Variants in TSPAN5 observed in about 807,000 individuals in gnomAD.
TSPAN5 encodes the protein tetraspanin 5.
TSPAN5 carries 10 observed loss-of-function variants against 37.1 expected under a neutral mutation model. That is an observed-to-expected ratio of 0.27 (90% CI 0.17 to 0.46). The LOEUF (loss-of-function observed/expected upper bound fraction) is 0.46, where lower values mean the gene tolerates loss of function less well. Ranked by LOEUF, TSPAN5 falls within the 20% of genes least tolerant of loss-of-function variation. TSPAN5 has a pLI of 1.00. For synonymous variants in TSPAN5, 110 were observed against 118.9 expected (o/e 0.93, Z 0.48); for missense variants, 195 against 326.6 (o/e 0.60, Z 3.11).
intron 3 of TSPAN5, chr4:98,483,091 C>T (rs556194900): frequency 6.6e-6 from 1 of 152,360 alleles, no homozygotes; most frequent in South Asian, 2.1e-4. Flanking sequence ...GTATTCTTAA[C>T]CTTCTCAAAC....
chr4:98,476,376 C>T (rs369513497), intron 6 of TSPAN5, 37 bp downstream of exon 6: 1 of 1,613,934 alleles, frequency 6.2e-7, no homozygotes, highest in African/African-American at 1.3e-5. Context: ...TCCTCCAACA[C>T]CCTTCGTGCT....
chr4:98,485,529 C>T (rs970936542), intron 3 of TSPAN5: 1 of 152,126 alleles, frequency 6.6e-6, no homozygotes, highest in Non-Finnish European at 1.5e-5. Context: ...ATCTGTAAGA[C>T]CAGGTACCCC....
intron 1 of TSPAN5, among the ~76,000 whole-genome samples, chr4:98,557,077 C>T (rs535632745): frequency 6.6e-6 from 1 of 152,310 alleles, no homozygotes; most frequent in East Asian, 1.9e-4. Context: ...GAATCATATA[C>T]TCTTATTGAG....
chr4:98,582,979 A>G (rs1248615348), intron 1 of TSPAN5, among the ~76,000 whole-genome samples: 1 of 152,216 alleles, frequency 6.6e-6, no homozygotes, highest in South Asian at 2.1e-4. Context: ...ACCGTATAAA[A>G]GCACTGGAGG....
intron 1 of TSPAN5, among the ~76,000 whole-genome samples, chr4:98,522,375 C>T (rs10516433): frequency 0.21 from 32,222 of 152,076 alleles, 3,553 homozygotes; most frequent in South Asian, 0.25. Flanking sequence ...TTGAAATAAA[C>T]GCTCCATCTT....
chr4:98,637,253 A>T (rs1333117304), intron 1 of TSPAN5, among the ~76,000 whole-genome samples: 1 of 152,342 alleles, frequency 6.6e-6, no homozygotes, highest in African/African-American at 2.4e-5. Context: ...TCCAGGGAGC[A>T]TCACGCACAT....
intron 1 of TSPAN5, among the ~76,000 whole-genome samples, chr4:98,627,572 T>C (rs1282233352): frequency 6.6e-6 from 1 of 152,222 alleles, no homozygotes; most frequent in Non-Finnish European, 1.5e-5. Context: ...ATGAAAAACT[T>C]TGGGCCTGTA....
At chr4:98,645,343 A>T (rs1579052786) in intron 1 of TSPAN5, among the ~76,000 whole-genome samples, 1 of 152,316 alleles carries the variant, frequency 6.6e-6, no homozygotes, top group African/African-American at 2.4e-5. Flanking sequence ...TCCTTTTTAA[A>T]TATATGTATT....
intron 5 of TSPAN5, among the ~76,000 whole-genome samples, chr4:98,477,997 C>T (rs759270392): frequency 6.6e-5 from 10 of 152,024 alleles, no homozygotes; most frequent in Non-Finnish European, 1.0e-4. Flanking sequence ...ATACCAGGCA[C>T]GATTTGACAC....
chr4:98,643,089 C>A (rs952507526), intron 1 of TSPAN5, among the ~76,000 whole-genome samples: 2 of 152,226 alleles, frequency 1.3e-5, no homozygotes, highest in Non-Finnish European at 2.9e-5. Flanking sequence ...TCACCCAGAG[C>A]AACTTCCAGT....
At chr4:98,614,263 G>A (rs1182692293) in intron 1 of TSPAN5, among the ~76,000 whole-genome samples, 1 of 152,126 alleles carries the variant, frequency 6.6e-6, no homozygotes, top group Non-Finnish European at 1.5e-5. Flanking sequence ...TCTGCCTGGG[G>A]CCTTATTCTT....
intron 1 of TSPAN5, among the ~76,000 whole-genome samples, chr4:98,537,892 C>CATCTG (rs1290360546): frequency 4.6e-5 from 7 of 152,262 alleles, no homozygotes; most frequent in Non-Finnish European, 1.0e-4. Flanking sequence ...TGAGGTGCTG[C>CATCTG]TCATGGTAGG....
intron 1 of TSPAN5, among the ~76,000 whole-genome samples, chr4:98,597,991 T>C (rs1469443597): frequency 9.8e-6 from 1 of 102,242 alleles, no homozygotes; most frequent in Admixed American, 1.0e-4. Context: ...GGCTGCTTTG[T>C]TTACCTAAGC....
At chr4:98,616,132 CCCA>C (rs1189725333) in intron 1 of TSPAN5, among the ~76,000 whole-genome samples, 2 of 152,088 alleles carry the variant, frequency 1.3e-5, no homozygotes, top group Non-Finnish European at 2.9e-5. Flanking sequence ...TTTCTCAGTC[CCCA>C]CGTTAGCTCA....
intron 1 of TSPAN5, among the ~76,000 whole-genome samples, chr4:98,566,856 C>A (rs927362889): frequency 1.3e-5 from 2 of 152,218 alleles, no homozygotes; most frequent in Non-Finnish European, 2.9e-5. Context: ...GAGATTCAAA[C>A]CCCAACACAA....
At chr4:98,579,951 T>C (rs1755332426) in intron 1 of TSPAN5, among the ~76,000 whole-genome samples, 1 of 152,204 alleles carries the variant, frequency 6.6e-6, no homozygotes, top group African/African-American at 2.4e-5. Context: ...GTTTAAATTA[T>C]CCTCTAAAAG....
At chr4:98,536,726 C>T (rs571389267) in intron 1 of TSPAN5, among the ~76,000 whole-genome samples, 3 of 152,356 alleles carry the variant, frequency 2.0e-5, no homozygotes, top group South Asian at 2.1e-4. Context: ...GGTCTGGCCC[C>T]AGCAGCCTTT....
At chr4:98,602,187 A>C in intron 1 of TSPAN5, among the ~76,000 whole-genome samples, 1 of 152,216 alleles carries the variant, frequency 6.6e-6, no homozygotes, top group Non-Finnish European at 1.5e-5. Context: ...GATTGGAAAA[A>C]TGGCACTGAT....
At chr4:98,636,943 G>C (rs1271247738) in intron 1 of TSPAN5, among the ~76,000 whole-genome samples, 1 of 152,074 alleles carries the variant, frequency 6.6e-6, no homozygotes, top group Non-Finnish European at 1.5e-5. Flanking sequence ...AGTGGACCCT[G>C]GTGTGAGGTT....
Sources: gnomAD v4.1 joint callset for allele counts (sites outside exome capture counted in the v4.1 genomes callset) on GRCh38, gnomAD v4.1.1 for gene constraint, MANE v1.5 for transcripts, NCBI Gene and HGNC (gene_info 2026-07-23, HGNC 2026-07-21) for gene names.